Variants in ADAMTS13 observed in about 807,000 individuals in gnomAD.
ADAMTS13 encodes the protein ADAM metallopeptidase with thrombospondin type 1 motif 13.
Under a neutral mutation model 155.1 loss-of-function variants are expected in ADAMTS13, and 110 were observed. The observed-to-expected ratio is 0.71, with a 90% CI of 0.61 to 0.83. The LOEUF (loss-of-function observed/expected upper bound fraction) is 0.83, where lower values mean the gene tolerates loss of function less well. ADAMTS13 is among the 40% of genes least tolerant of loss of function. ADAMTS13 has a pLI of 0.00. For synonymous variants in ADAMTS13, 758 were observed against 756.4 expected (o/e 1.00, Z -0.03); for missense variants, 1,707 against 1,891.7 (o/e 0.90, Z 1.81).
intron 28 of ADAMTS13, among the ~76,000 whole-genome samples, chr9:133,458,555 CAAAAA>C (rs10699153): frequency 1.8e-5 from 1 of 56,226 alleles, no homozygotes; most frequent in South Asian, 1.2e-3. Context: ...GACTCTGTCT[CAAAAA>C]AAAAAAAAAA....
chr9:133,424,425 T>C lies in ADAMTS13; in HGVS notation c.277T>C (p.Phe93Leu), dbSNP rs1564407762. The C allele has an allele frequency of 1.2e-6, 2 of 1,613,858 alleles. No individual in the cohort carries two copies. The highest frequency in any genetic ancestry group is 1.3e-5 in the African/African-American group (1 of 75,028). ...GCTGGTGGCCGTGGGCCCCGATGTC[T>C]TCCAGGCTCACCAGGAGGACACAGA... The part of the protein sequence containing the change: ...ELLVAVGPDV[F>L]QAHQEDTERY... The change falls in exon 3 of 29, where the codon TTC becomes CTC. Residue 93 changes from phenylalanine (F) to leucine (L), a missense_variant. This residue lies in a region of ADAMTS13 where 733 missense variants were observed against 749.6 expected (regional missense o/e 0.98). Transcript: ENST00000355699. This position sits in a 1 kb window ranked among gnomAD's most constrained non-coding sequence, Gnocchi z 4.3.
At chr9:133,414,875 G>C in intron 1 of ADAMTS13, 1 of 1,614,088 alleles carries the variant, frequency 6.2e-7, no homozygotes, top group Non-Finnish European at 8.5e-7. Flanking sequence ...GTCTTTTCCT[G>C]CCGGCATCTC....
rs1554796233 is a variant in ADAMTS13, at chr9:133,456,892, G to C, written c.3724+173G>C. On this transcript the variant is annotated intron_variant, in intron 27 of 28. Coordinates refer to ENST00000355699, the MANE Select transcript of ADAMTS13 (RefSeq NM_139027.6). This position sits in a 1 kb window ranked among gnomAD's most constrained non-coding sequence, Gnocchi z 4.4. ...AGTGTCAGTCTGCACGTGCCAGGGAGGGGTCACAGGATGAATGCTATATCC... is the reference window on the plus strand; with the variant it reads ...AGTGTCAGTCTGCACGTGCCAGGGACGGGTCACAGGATGAATGCTATATCC... 1 of 820,560 alleles carries C rather than the reference G, an allele frequency of 1.2e-6. No homozygotes were observed. The allele number at this position is 820,560 out of a possible 1,614,324, so 50.8% of individuals were successfully genotyped here.
rs1202169147 is a variant in ADAMTS13, at chr9:133,440,787, G to T, written c.1968+262G>T. On this transcript the variant is annotated intron_variant, in intron 16 of 28. Transcript: ENST00000355699. This position sits in a 1 kb window ranked among gnomAD's most constrained non-coding sequence, Gnocchi z 4.3. ...CCCTGCAGTTCTGGGATCAGGTAAGGTTGGAGGGCCCAATGCAGGGGTCCA... is the reference window on the plus strand; with the variant it reads ...CCCTGCAGTTCTGGGATCAGGTAAGTTTGGAGGGCCCAATGCAGGGGTCCA... Among the ~76,000 whole-genome samples, 1 of 152,152 alleles carries T rather than the reference G, an allele frequency of 6.6e-6. No homozygotes were observed. The highest frequency in any genetic ancestry group is 6.5e-5 in the Admixed American group (1 of 15,270).
chr9:133,417,797 G>C (rs371621214), upstream of ADAMTS13: 118 of 1,607,278 alleles, frequency 7.3e-5, no homozygotes, highest in East Asian at 3.6e-4. Flanking sequence ...GCTTAGCCAC[G>C]GGGCTGCTCG....
At chr9:133,417,810 G>A (rs781784519), upstream of ADAMTS13, 15 of 1,605,970 alleles carry the variant, frequency 9.3e-6, no homozygotes, top group African/African-American at 6.7e-5. Flanking sequence ...GCTGCTCGGG[G>A]CGCGCTTGGA....
chr9:133,433,608 T>TCTC, intron 10 of ADAMTS13, 33 bp from the exon 11 acceptor site: 2 of 1,613,912 alleles, frequency 1.2e-6, no homozygotes, highest in Non-Finnish European at 1.7e-6. Flanking sequence ...GTCACCCTGC[T>TCTC]CTCTCACCCT....
intron 8 of ADAMTS13, among the ~76,000 whole-genome samples, chr9:133,430,376 G>A (rs1840662030): frequency 6.6e-6 from 1 of 152,208 alleles, no homozygotes; most frequent in African/African-American, 2.4e-5. Flanking sequence ...GCTGAGTGAG[G>A]ACACCAATCT....
At chr9:133,450,706 G>A (rs587715038) in intron 23 of ADAMTS13, among the ~76,000 whole-genome samples, 4 of 152,246 alleles carry the variant, frequency 2.6e-5, no homozygotes, top group South Asian at 4.1e-4. Context: ...CCGAGATGGC[G>A]CCGCTGGCAC....
chr9:133,438,135 G>C, intron 13 of ADAMTS13, 111 bp from the exon 14 acceptor site: 1 of 1,579,178 alleles, frequency 6.3e-7, no homozygotes, highest in South Asian at 1.1e-5. Context: ...GGGTGCTATA[G>C]AAGTGTTGCT....
chr9:133,414,953 C>T, intron 1 of ADAMTS13: 1 of 1,612,040 alleles, frequency 6.2e-7, no homozygotes, highest in Non-Finnish European at 8.5e-7. Context: ...CTTTTTGGAA[C>T]CCATCTGAGA....
chr9:133,426,654 C>T (rs910967124), intron 6 of ADAMTS13, among the ~76,000 whole-genome samples: 10 of 152,164 alleles, frequency 6.6e-5, no homozygotes. Context: ...AATGTCTCTT[C>T]ACATTTTGTA....
upstream of ADAMTS13, chr9:133,417,811 C>T (rs372737242): frequency 6.2e-6 from 10 of 1,605,700 alleles, no homozygotes; most frequent in African/African-American, 1.1e-4. Flanking sequence ...CTGCTCGGGG[C>T]GCGCTTGGAG....
intron 2 of ADAMTS13, among the ~76,000 whole-genome samples, chr9:133,423,826 A>G (rs1348240895): frequency 6.6e-6 from 1 of 152,228 alleles, no homozygotes; most frequent in Non-Finnish European, 1.5e-5. Context: ...TGGGTATCCC[A>G]TAGCCTGGGT....
chr9:133,445,928 A>G lies in ADAMTS13; in HGVS notation c.2731+109A>G. The stretch of plus-strand genomic sequence containing the variant: ...ATTTGAGGTGGATTGCAGAAAATCC[A>G]GACTATATGGGAACACGTGGTAATA... On this transcript the variant is annotated intron_variant, in intron 21 of 28. Coordinates refer to ENST00000355699, the MANE Select transcript of ADAMTS13 (RefSeq NM_139027.6). The surrounding 1 kb of genome is among the most constrained non-coding windows in gnomAD (Gnocchi z 5.0). 1 of 1,442,676 alleles carries G rather than the reference A, an allele frequency of 6.9e-7. No individual in the cohort carries two copies. 89.4% of individuals were successfully genotyped at this position (1,442,676 alleles called of 1,614,324 possible). A position where few individuals can be genotyped will look rare whatever the true frequency, so the allele number is the denominator to read the frequency against.
At chr9:133,430,599 C>G (rs587749083) in intron 8 of ADAMTS13, among the ~76,000 whole-genome samples, 1 of 152,106 alleles carries the variant, frequency 6.6e-6, no homozygotes, top group Non-Finnish European at 1.5e-5. Context: ...TGATGGGCCC[C>G]TTCCTCCACA....
chr9:133,422,023 C>T (rs782438988), upstream of ADAMTS13: 6 of 228,716 alleles, frequency 2.6e-5, no homozygotes, highest in Non-Finnish European at 5.1e-5. Flanking sequence ...TTGGCACAGC[C>T]TCTCATCTGT....
Position 133,440,461 on chromosome 9 carries a change from A to T in ADAMTS13, c.1904A>T (p.Asp635Val). The T allele has an allele frequency of 6.2e-7, 1 of 1,613,604 alleles. No individual in the cohort carries two copies. The highest frequency in any genetic ancestry group is 8.5e-7 in the Non-Finnish European group (1 of 1,179,974). ...GAGTACAGAGTGGCCCTCACCGAGG[A>T]CCGGCTGCCCCGCCTGGAGGAGATC... ...RVEYRVALTE[D>V]RLPRLEEIRI... Residue 635 changes from aspartate (D) to valine (V), a missense_variant, in exon 16 of 29, where the codon GAC (aspartate) becomes GTC (valine). Physicochemically the swap from Asp to Val is radical, Grantham distance 152 (BLOSUM62 -3). This residue lies in a region of ADAMTS13 where 961 missense variants were observed against 1,107.9 expected (regional missense o/e 0.87). Coordinates refer to ENST00000355699, the MANE Select transcript of ADAMTS13 (RefSeq NM_139027.6). The surrounding 1 kb of genome is among the most constrained non-coding windows in gnomAD (Gnocchi z 4.3).
intron 21 of ADAMTS13, among the ~76,000 whole-genome samples, chr9:133,448,061 G>A (rs1842189216): frequency 6.6e-6 from 1 of 151,442 alleles, no homozygotes; most frequent in South Asian, 2.1e-4. Flanking sequence ...CGCAGTCTTG[G>A]CTCACTGCAA....
Sources: allele counts gnomAD v4.1 joint callset (sites outside exome capture counted in the v4.1 genomes callset), GRCh38; gene constraint gnomAD v4.1.1; regional missense constraint gnomAD v4.1.1; non-coding constraint Gnocchi (gnomAD v3.1); transcripts MANE v1.5; gene names NCBI Gene and HGNC (gene_info 2026-07-23, HGNC 2026-07-21).